The following GALNT13 variants were observed in gnomAD, a reference collection of about 807,000 sequenced individuals.
GALNT13 encodes the protein polypeptide N-acetylgalactosaminyltransferase 13.
In GALNT13, 28 loss-of-function variants were observed where a neutral mutation model predicts 64.2. That is an observed-to-expected ratio of 0.44 (90% confidence interval 0.32 to 0.60). The LOEUF is 0.60. GALNT13 is among the 20% of genes least tolerant of loss of function. The probability of loss-of-function intolerance (pLI) is 0.05; values close to 1 mark genes in which losing one functional copy is unlikely to be tolerated. For missense variants in GALNT13, 577 were observed against 669.8 expected, an observed-to-expected ratio of 0.86 and a Z score of 1.53; for synonymous variants, 214 against 224.6, an observed-to-expected ratio of 0.95 and a Z score of 0.42.
chr2:153,280,825 G>T, the GALNT13 span, among the ~76,000 whole-genome samples: 2 of 152,170 alleles, frequency 1.3e-5, no homozygotes, highest in South Asian at 2.1e-4. Context: ...CAGATGAGAA[G>T]AATTTATATT....
the GALNT13 span, among the ~76,000 whole-genome samples, chr2:153,359,599 A>G: frequency 7.3e-6 from 1 of 137,266 alleles, no homozygotes; most frequent in South Asian, 2.5e-4. Context: ...CCTGAGCTGG[A>G]CACAATGGGA....
the GALNT13 span, among the ~76,000 whole-genome samples, chr2:153,785,064 G>C: frequency 5.3e-5 from 8 of 152,158 alleles, no homozygotes; most frequent in African/African-American, 1.9e-4. Context: ...TTTCCAGCCA[G>C]CAGCAGTTCC....
chr2:153,950,487 C>T (rs926424324), intron 3 of GALNT13, among the ~76,000 whole-genome samples: 1 of 151,988 alleles, frequency 6.6e-6, no homozygotes, highest in Non-Finnish European at 1.5e-5. Context: ...TGATGTGTCT[C>T]TACATTTTTA....
chr2:154,017,667 G>C (rs889254219), intron 3 of GALNT13, among the ~76,000 whole-genome samples: 1 of 152,070 alleles, frequency 6.6e-6, no homozygotes, highest in East Asian at 1.9e-4. Flanking sequence ...AAAGTTATTC[G>C]TATCGCTCTG....
chr2:154,322,374 A>G (rs2105166363), intron 9 of GALNT13, among the ~76,000 whole-genome samples: 1 of 151,942 alleles, frequency 6.6e-6, no homozygotes, highest in Admixed American at 6.6e-5. Context: ...AGCAGCACTC[A>G]CTAAAGAGGT....
At position 154,355,817 on chromosome 2, in the gene GALNT13, T is replaced by C. The variant is rs190822334; in HGVS notation, c.1157-40174T>C. Among the ~76,000 whole-genome samples, 4 of 152,136 alleles carry C rather than the reference T, an allele frequency of 2.6e-5. No homozygotes were observed. The East Asian group carries it at 7.7e-4, about 29-fold the overall frequency. The stretch of plus-strand genomic sequence containing the variant: ...TTGGACACTGTGTTCTGAGGTCGGA[T>C]TGTTTTTGATAATAGATTATGAGGT... On this transcript the variant is annotated intron_variant, in intron 9 of 12. Transcript: ENST00000392825.
In GALNT13 at chr2:153,944,669, T is replaced by A. The variant is rs190449206; in HGVS notation, c.142+30T>A. ...GTGCTTATGAAGCAAATACTGTCTTTATAGAGATGAGAAAAGTGGTGCCTT... is the reference window on the plus strand; with the variant it reads ...GTGCTTATGAAGCAAATACTGTCTTAATAGAGATGAGAAAAGTGGTGCCTT... On this transcript the variant is annotated intron_variant, in intron 3 of 12. Coordinates refer to ENST00000392825, the MANE Select transcript of GALNT13 (RefSeq NM_052917.4). The A allele has an allele frequency of 1.9e-6, 3 of 1,568,642 alleles. No individual in the cohort carries two copies. The Admixed American group carries it at 5.4e-5, about 28-fold the overall frequency.
the GALNT13 span, among the ~76,000 whole-genome samples, chr2:153,578,429 C>A: frequency 2.0e-5 from 3 of 151,932 alleles, no homozygotes; most frequent in Non-Finnish European, 4.4e-5. Context: ...ATTAATTTAC[C>A]CAGAGTAAAA....
At chr2:153,884,590 A>G (rs2105248542) in intron 1 of GALNT13, among the ~76,000 whole-genome samples, 1 of 150,982 alleles carries the variant, frequency 6.6e-6, no homozygotes, top group Middle Eastern at 3.4e-3. Context: ...CCATTAATAA[A>G]CTCTATAACA....
the GALNT13 span, among the ~76,000 whole-genome samples, chr2:153,561,896 C>T: frequency 3.1e-4 from 47 of 152,142 alleles, no homozygotes; most frequent in East Asian, 6.4e-3. Flanking sequence ...ATTTTAGCAA[C>T]AAATTTCCAA....
the GALNT13 span, among the ~76,000 whole-genome samples, chr2:153,124,063 G>T: frequency 6.6e-6 from 1 of 152,186 alleles, no homozygotes; most frequent in African/African-American, 2.4e-5. Context: ...AAGCTGCCGT[G>T]TTGTGAGCTG....
the GALNT13 span, among the ~76,000 whole-genome samples, chr2:153,507,514 C>G: frequency 1.1e-4 from 16 of 152,068 alleles, no homozygotes; most frequent in Non-Finnish European, 1.9e-4. Context: ...CTCCTGATCT[C>G]GTGATCCACT....
chr2:153,605,498 T>C, the GALNT13 span, among the ~76,000 whole-genome samples: 4 of 152,118 alleles, frequency 2.6e-5, no homozygotes, highest in Non-Finnish European at 5.9e-5. Context: ...TGAGAGGCCA[T>C]GGCATATTTG....
chr2:153,631,014 A>T, the GALNT13 span, among the ~76,000 whole-genome samples: 15 of 150,418 alleles, frequency 1.0e-4, no homozygotes, highest in Non-Finnish European at 1.8e-4. Flanking sequence ...CCTGTGTCCA[A>T]GTGTTCTGAT....
intron 3 of GALNT13, among the ~76,000 whole-genome samples, chr2:154,043,144 C>T (rs1310148998): frequency 6.6e-6 from 1 of 151,744 alleles, no homozygotes; most frequent in Non-Finnish European, 1.5e-5. Context: ...GAAAGAAAAC[C>T]AGTATGGATT....
At chr2:153,601,894 C>T in the GALNT13 span, among the ~76,000 whole-genome samples, 160 of 151,848 alleles carry the variant, frequency 1.1e-3, no homozygotes, top group Non-Finnish European at 1.8e-3. Flanking sequence ...TAAAATAGTG[C>T]GTTATCCCTA....
At chr2:154,362,496 G>T (rs1268948063) in intron 9 of GALNT13, among the ~76,000 whole-genome samples, 1 of 151,634 alleles carries the variant, frequency 6.6e-6, no homozygotes, top group Non-Finnish European at 1.5e-5. Context: ...TAAACTATTG[G>T]TGGGTGAGAG....
At chr2:154,346,965 A>AT (rs1275038940) in intron 9 of GALNT13, among the ~76,000 whole-genome samples, 1 of 152,022 alleles carries the variant, frequency 6.6e-6, no homozygotes, top group Non-Finnish European at 1.5e-5. Context: ...TGGTATGAAA[A>AT]TTTTTGTCAA....
At chr2:154,279,021 A>G (rs753834106) in intron 8 of GALNT13, among the ~76,000 whole-genome samples, 1 of 152,170 alleles carries the variant, frequency 6.6e-6, no homozygotes, top group Non-Finnish European at 1.5e-5. Flanking sequence ...ATATCTAAAA[A>G]GAAAAAGAAA....
Sources: gnomAD v4.1 joint callset for allele counts (sites outside exome capture counted in the v4.1 genomes callset) on GRCh38, gnomAD v4.1.1 for gene constraint, MANE v1.5 for transcripts, NCBI Gene and HGNC (gene_info 2026-07-23, HGNC 2026-07-21) for gene names.